The following CPSF6 variants were observed in gnomAD, a reference collection of about 807,000 sequenced individuals.
CPSF6 encodes cleavage and polyadenylation specificity factor subunit 6.
CPSF6 carries 10 observed loss-of-function variants against 56.7 expected under a neutral mutation model. The observed-to-expected ratio is 0.18, with a 90% CI of 0.11 to 0.30. CPSF6 has a LOEUF of 0.30. Ranked by LOEUF, CPSF6 falls within the 10% of genes least tolerant of loss-of-function variation. The probability of loss-of-function intolerance (pLI) is 1.00; values close to 1 mark genes in which losing one functional copy is unlikely to be tolerated. For missense variants in CPSF6, 419 were observed against 722.9 expected (o/e 0.58, Z 4.82); for synonymous variants, 248 against 244.8 (o/e 1.01, Z -0.12).
chr12:69,273,343 A>G lies in CPSF6; in HGVS notation c.*3835A>G, dbSNP rs73141990. 0.016 allele frequency: 3,939 copies of G among 253,680 alleles called. 51 individuals carry two copies. Among genetic ancestry groups the G allele is most frequent in the Middle Eastern group, 0.029 (64 of 2,208 alleles). 15.7% of individuals were successfully genotyped at this position (253,680 alleles called of 1,614,324 possible). On this transcript the variant is annotated 3_prime_UTR_variant, in exon 10 of 10. Transcript: ENST00000435070. Reference sequence around the variant, plus strand: ...CTACTATGGTTTTTGTATGGGACGTATAAATACTTGATTATATACGACAGA... The same window carrying G: ...CTACTATGGTTTTTGTATGGGACGTGTAAATACTTGATTATATACGACAGA...
At chr12:69,269,056 G>A (rs1873127173) in intron 9 of CPSF6, among the ~76,000 whole-genome samples, 1 of 151,798 alleles carries the variant, frequency 6.6e-6, no homozygotes, top group African/African-American at 2.4e-5. Context: ...AAATTAATTT[G>A]TAAAATAATT....
intron 3 of CPSF6, among the ~76,000 whole-genome samples, chr12:69,253,554 G>A (rs1044951771): frequency 2.6e-5 from 4 of 152,108 alleles, no homozygotes; most frequent in Non-Finnish European, 5.9e-5. Context: ...AAGTGGGATA[G>A]CCTCAGCATG....
rs1481415717 is a variant in CPSF6, at chr12:69,253,036, G to A, written c.271-15G>A. 1.4e-6 allele frequency: 2 copies of A among 1,429,254 alleles called. No homozygotes were observed. Among genetic ancestry groups the A allele is most frequent in the African/African-American group, 1.5e-5 (1 of 68,730 alleles). The allele number at this position is 1,429,254 out of a possible 1,614,324, so 88.5% of individuals were successfully genotyped here. A position where few individuals can be genotyped will look rare whatever the true frequency, so the allele number is the denominator to read the frequency against. ...TTTTATTTTAATGGTTAATGAGGGG[G>A]AAAATATCTTGCAGTGGACAACAGA... On this transcript the variant is annotated splice_polypyrimidine_tract_variant and intron_variant, in intron 2 of 9. Coordinates refer to ENST00000435070, the MANE Select transcript of CPSF6 (RefSeq NM_007007.3).
chr12:69,257,655 TG>T (rs1395604098), intron 4 of CPSF6, 76 bp from the exon 5 acceptor site: 1 of 1,341,818 alleles, frequency 7.5e-7, no homozygotes, highest in African/African-American at 1.5e-5. Context: ...GAAATAGAGT[TG>T]TTTTTAATAA....
At chr12:69,243,224 C>A (rs568019642) in intron 1 of CPSF6, among the ~76,000 whole-genome samples, 1 of 152,292 alleles carries the variant, frequency 6.6e-6, no homozygotes, top group African/African-American at 2.4e-5. Flanking sequence ...TACCTACATA[C>A]AGTAGTGCAC....
intron 8 of CPSF6, 36 bp downstream of exon 8, chr12:69,260,233 CTG>C: frequency 1.4e-6 from 2 of 1,460,336 alleles, no homozygotes; most frequent in Non-Finnish European, 9.2e-7. Flanking sequence ...TTTAAAAAAA[CTG>C]TTAGTTTACA....
chr12:69,266,489 G>A (rs192841785), intron 9 of CPSF6, among the ~76,000 whole-genome samples: 44 of 152,292 alleles, frequency 2.9e-4, no homozygotes, highest in Admixed American at 2.4e-3. Flanking sequence ...TTCAATGCCA[G>A]TGTGAGTCAT....
Position 69,269,621 on chromosome 12 carries a change from G to A in CPSF6, c.*113G>A. 1 of 399,672 alleles carries A rather than the reference G, an allele frequency of 2.5e-6. No individual in the cohort carries two copies. Among genetic ancestry groups the A allele is most frequent in the South Asian group, 1.9e-5 (1 of 54,046 alleles). 24.8% of individuals were successfully genotyped at this position (399,672 alleles called of 1,614,324 possible). A position where few individuals can be genotyped will look rare whatever the true frequency, so the allele number is the denominator to read the frequency against. On this transcript the variant is annotated 3_prime_UTR_variant, in exon 10 of 10. Transcript: ENST00000435070. Reference sequence around the variant, plus strand: ...TGAACTGAACCTGTAAGGATTCATGGATAAAATGAACAGGAATAGATCTGA... The same window carrying A: ...TGAACTGAACCTGTAAGGATTCATGAATAAAATGAACAGGAATAGATCTGA...
At chr12:69,245,737 T>C (rs1268449654) in intron 1 of CPSF6, among the ~76,000 whole-genome samples, 2 of 152,206 alleles carry the variant, frequency 1.3e-5, no homozygotes, top group East Asian at 3.9e-4. Flanking sequence ...TAGTTTCTGC[T>C]CTGTCAGGCC....
chr12:69,249,428 C>CTCT (rs376874990), intron 1 of CPSF6, among the ~76,000 whole-genome samples: 2 of 151,470 alleles, frequency 1.3e-5, no homozygotes, highest in Admixed American at 6.6e-5. Flanking sequence ...CTGGGTCATT[C>CTCT]TATCCATTTA....
intron 7 of CPSF6, 105 bp downstream of exon 7, chr12:69,259,648 T>G: frequency 1.1e-6 from 1 of 942,334 alleles, no homozygotes; most frequent in South Asian, 1.8e-5. Context: ...AGTAGTTCTT[T>G]TTATATTCCC....
At chr12:69,253,319 T>C (rs1372511848) in intron 3 of CPSF6, among the ~76,000 whole-genome samples, 165 bp downstream of exon 3, 1 of 152,156 alleles carries the variant, frequency 6.6e-6, no homozygotes, top group South Asian at 2.1e-4. Context: ...TTGATACTTT[T>C]CATTTTACGT....
At chr12:69,245,813 C>T (rs1227154199) in intron 1 of CPSF6, among the ~76,000 whole-genome samples, 1 of 152,144 alleles carries the variant, frequency 6.6e-6, no homozygotes, top group Non-Finnish European at 1.5e-5. Flanking sequence ...AGGCCAGGTG[C>T]GGTGGCTCAT....
chr12:69,262,172 T>G (rs1465093071), intron 8 of CPSF6, among the ~76,000 whole-genome samples: 2 of 152,200 alleles, frequency 1.3e-5, no homozygotes, highest in Non-Finnish European at 2.9e-5. Flanking sequence ...CTGATTTTTT[T>G]GTTAATGTTT....
chr12:69,242,743 G>A (rs1871692398), intron 1 of CPSF6, among the ~76,000 whole-genome samples: 1 of 152,212 alleles, frequency 6.6e-6, no homozygotes, highest in Non-Finnish European at 1.5e-5. Flanking sequence ...ATACTCAAGT[G>A]TAGTAATTAC....
rs775129772 is a variant in CPSF6, at chr12:69,273,261, T to C, written c.*3753T>C. The C allele has an allele frequency of 2.4e-6, 1 of 422,208 alleles. No individual in the cohort carries two copies. The highest frequency in any genetic ancestry group is 1.8e-5 in the South Asian group (1 of 54,730). The allele number at this position is 422,208 out of a possible 1,614,324, so 26.2% of individuals were successfully genotyped here. ...CACTGTTCAGATTGATTTAGGTTTG[T>C]CTTAACCAATGTTCTTTTTTTAGAA... On this transcript the variant is annotated 3_prime_UTR_variant, in exon 10 of 10. Coordinates refer to ENST00000435070, the MANE Select transcript of CPSF6 (RefSeq NM_007007.3).
intron 1 of CPSF6, among the ~76,000 whole-genome samples, chr12:69,241,333 CTT>C (rs1871606123): frequency 2.6e-5 from 4 of 152,278 alleles, no homozygotes; most frequent in African/African-American, 9.6e-5. Flanking sequence ...GGTTCTAACG[CTT>C]ATAAGACCTC....
intron 2 of CPSF6, 64 bp downstream of exon 2, chr12:69,251,402 A>G: frequency 9.3e-7 from 1 of 1,070,684 alleles, no homozygotes; most frequent in Non-Finnish European, 1.4e-6. Context: ...CTAGTAATTA[A>G]TGTTTTTCTC....
chr12:69,266,752 G>A (rs1873006195), intron 9 of CPSF6, among the ~76,000 whole-genome samples: 1 of 151,940 alleles, frequency 6.6e-6, no homozygotes, highest in Non-Finnish European at 1.5e-5. Flanking sequence ...AATCTTTTGG[G>A]AACAAACCTC....
Sources: gnomAD v4.1 joint callset for allele counts (sites outside exome capture counted in the v4.1 genomes callset) on GRCh38, gnomAD v4.1.1 for gene constraint, MANE v1.5 for transcripts, NCBI Gene and HGNC (gene_info 2026-07-23, HGNC 2026-07-21) for gene names.